Variants in SEMA4A observed in about 807,000 individuals in gnomAD.
SEMA4A encodes semaphorin-4A.
Under a neutral mutation model 72.5 loss-of-function variants are expected in SEMA4A, and 52 were observed. The ratio of observed to expected loss-of-function variants is 0.72; its 90% CI spans 0.57 to 0.90. The LOEUF is 0.90. Ranked by LOEUF, SEMA4A falls within the 40% of genes least tolerant of loss-of-function variation. The probability of loss-of-function intolerance (pLI) is 0.00; values close to 1 mark genes in which losing one functional copy is unlikely to be tolerated. For missense variants in SEMA4A, 926 were observed against 959.7 expected (o/e 0.96, Z 0.46); for synonymous variants, 369 against 393.1 (o/e 0.94, Z 0.73).
At chr1:156,171,961 T>C (rs988125498) in intron 10 of SEMA4A, among the ~76,000 whole-genome samples, 1 of 147,750 alleles carries the variant, frequency 6.8e-6, no homozygotes, top group African/African-American at 2.4e-5. Flanking sequence ...TTTTGTTTTA[T>C]TTTTTGTAGA....
chr1:156,169,400 T>G (rs981589310), intron 10 of SEMA4A, among the ~76,000 whole-genome samples: 6 of 149,318 alleles, frequency 4.0e-5, no homozygotes, highest in Middle Eastern at 6.9e-3. Flanking sequence ...TTTATGTCTT[T>G]TCTTTTCTTT....
chr1:156,175,513 C>T (rs982977812), intron 13 of SEMA4A, 43 bp from the exon 14 acceptor site: 4 of 1,496,640 alleles, frequency 2.7e-6, no homozygotes, highest in Middle Eastern at 1.7e-4. Flanking sequence ...TTCCCACTTT[C>T]AGCTCTTTTG....
chr1:156,158,365 C>G, intron 4 of SEMA4A, 23 bp from the exon 5 acceptor site: 1 of 1,593,406 alleles, frequency 6.3e-7, no homozygotes, highest in African/African-American at 1.3e-5. Flanking sequence ...GGCCTGGAGA[C>G]CTAAATTCTC....
In SEMA4A at chr1:156,161,471, C is replaced by G; in HGVS notation, c.936C>G (p.Ala312=). ...TCCGCCACGCGGTCCTGCTCCCCGC[C>G]GATTCTCCCACAGCTCCCCACATCT... ...NVIRHAVLLP[A]DSPTAPHIYA... is the part of the protein sequence containing the mutation. Residue 312 remains alanine, a synonymous_variant, in exon 9 of 15, where the codon GCC becomes GCG. Coordinates refer to ENST00000368285, the MANE Select transcript of SEMA4A (RefSeq NM_022367.4). 6.2e-7 allele frequency: 1 copy of G among 1,614,006 alleles called. No individual in the cohort carries two copies. The highest frequency in any genetic ancestry group is 8.5e-7 in the Non-Finnish European group (1 of 1,179,972).
At chr1:156,175,769 T>C in intron 14 of SEMA4A, 113 bp downstream of exon 14, 1 of 785,482 alleles carries the variant, frequency 1.3e-6, no homozygotes, top group Admixed American at 2.0e-5. Context: ...GCTTGAGATC[T>C]GAACACCCGA....
Position 156,174,749 on chromosome 1 carries a change from G to A in SEMA4A, c.1316-73G>A, listed in dbSNP as rs1482084678. On this transcript the variant is annotated intron_variant, in intron 11 of 14. Transcript: ENST00000368285. ...TCAGAAGGAGCTTTCTTACAGCTGG[G>A]GAGGCCCCCGGAAGTTGGGAAGGGA... is the stretch of plus-strand genomic sequence containing the variant. The A allele has an allele frequency of 2.5e-6, 4 of 1,601,304 alleles. No individual in the cohort carries two copies. The East Asian group carries it at 8.9e-5, about 36-fold the overall frequency.
upstream of SEMA4A, among the ~76,000 whole-genome samples, chr1:156,152,400 C>T (rs539195270): frequency 3.3e-5 from 5 of 152,238 alleles, no homozygotes; most frequent in East Asian, 7.7e-4. Flanking sequence ...TTCCCAGTGA[C>T]CCAAATGAGC....
chr1:156,162,880 C>T (rs1419758397), intron 9 of SEMA4A, 64 bp from the exon 10 acceptor site: 12 of 1,604,678 alleles, frequency 7.5e-6, no homozygotes, highest in African/African-American at 4.0e-5. Context: ...TGAGGGCCAG[C>T]GCTGGAGAGA....
In SEMA4A at chr1:156,161,433, C is replaced by A. The variant is rs1653646240; in HGVS notation, c.898C>A (p.Pro300Thr). The A allele has an allele frequency of 2.5e-6, 4 of 1,613,156 alleles. No homozygotes were observed. The highest frequency in any genetic ancestry group is 3.4e-6 in the Non-Finnish European group (4 of 1,179,506). The change falls in exon 9 of 15, where the codon CCC (proline) becomes ACC (threonine). Residue 300 changes from proline to threonine, a missense_variant. Pro to Thr is a conservative substitution (Grantham distance 38). Coordinates refer to ENST00000368285, the MANE Select transcript of SEMA4A (RefSeq NM_022367.4). ...QLLCTQPGQLPFNVIRHAVLL... is the reference protein window; with the variant it reads ...QLLCTQPGQLTFNVIRHAVLL... ...GCTCTGCACCCAGCCGGGGCAGCTG[C>A]CCTTCAACGTCATCCGCCACGCGGT...
chr1:156,173,907 C>T (rs1432186308), intron 11 of SEMA4A, among the ~76,000 whole-genome samples: 8 of 151,950 alleles, frequency 5.3e-5, no homozygotes, highest in Non-Finnish European at 7.4e-5. Context: ...GTCAGGAGTT[C>T]GAGACCAGCC....
intron 5 of SEMA4A, 59 bp downstream of exon 5, chr1:156,158,545 C>T (rs1165141854): frequency 7.0e-6 from 10 of 1,430,954 alleles, no homozygotes; most frequent in African/African-American, 1.4e-5. Flanking sequence ...CATCTACCCA[C>T]GACTTTCCTC....
At chr1:156,158,653 C>A in intron 5 of SEMA4A, 66 bp from the exon 6 acceptor site, 2 of 1,416,940 alleles carry the variant, frequency 1.4e-6, no homozygotes, top group Non-Finnish European at 2.0e-6. Flanking sequence ...CTTCCTTCCT[C>A]AAGCCCCTCA....
Position 156,161,029 on chromosome 1 carries a change from G to T in SEMA4A, c.810G>T (p.Lys270Asn). The change falls in exon 8 of 15, where the codon AAG becomes AAT. Residue 270 changes from lysine (K) to asparagine (N), a missense_variant and splice_region_variant. By Grantham distance (94) the Lys-to-Asn change is moderately conservative (BLOSUM62 0). Coordinates refer to ENST00000368285, the MANE Select transcript of SEMA4A (RefSeq NM_022367.4). ...LHTSRVARVC[K>N]NDVGGEKLLQ... ...CATCGCGGGTGGCTAGAGTCTGCAA[G>T]GTCCGCGGCCTGGGCGGGGGGCGGG... The T allele has an allele frequency of 6.3e-7, 1 of 1,592,638 alleles. No homozygotes were observed.
At chr1:156,176,322 G>A in intron 14 of SEMA4A, 83 bp from the exon 15 acceptor site, 1 of 1,082,158 alleles carries the variant, frequency 9.2e-7, no homozygotes, top group Non-Finnish European at 1.4e-6. Flanking sequence ...GAGGGCTGGG[G>A]TCCAAAGATA....
chr1:156,172,819 C>G lies in SEMA4A; in HGVS notation c.1135-7C>G, dbSNP rs774351672. 6.2e-7 allele frequency: 1 copy of G among 1,614,132 alleles called. No homozygotes were observed. Among genetic ancestry groups the G allele is most frequent in the South Asian group, 1.1e-5 (1 of 91,074 alleles). On this transcript the variant is annotated splice_polypyrimidine_tract_variant and splice_region_variant and intron_variant, in intron 10 of 14. Coordinates refer to ENST00000368285, the MANE Select transcript of SEMA4A (RefSeq NM_022367.4). ...AACCAACCTGATCTGCCTCCCTCCT[C>G]CTTTAGTGCTCAGTGGGCCCCTCCT...
Position 156,177,485 on chromosome 1 carries a change from C to G in SEMA4A, c.*488C>G, listed in dbSNP as rs909857123. ...TCCCAGGGTCATGCAGGGATCTGCTCCCTCCTGCTTCCCTTACCAGTCGTG... is the reference window on the plus strand; with the variant it reads ...TCCCAGGGTCATGCAGGGATCTGCTGCCTCCTGCTTCCCTTACCAGTCGTG... On this transcript the variant is annotated 3_prime_UTR_variant, in exon 15 of 15. Transcript: ENST00000368285. The G allele has an allele frequency of 4.3e-6, 1 of 234,632 alleles. No homozygotes were observed. Among genetic ancestry groups the G allele is most frequent in the African/African-American group, 2.3e-5 (1 of 44,428 alleles). 14.5% of individuals were successfully genotyped at this position (234,632 alleles called of 1,614,324 possible).
chr1:156,173,232 G>C (rs983475223), intron 11 of SEMA4A, among the ~76,000 whole-genome samples: 1 of 152,212 alleles, frequency 6.6e-6, no homozygotes, highest in African/African-American at 2.4e-5. Flanking sequence ...CAGACAGGGA[G>C]GTCTTTGGTG....
At chr1:156,151,300 G>A (rs1466980846), upstream of SEMA4A, among the ~76,000 whole-genome samples, 2 of 152,212 alleles carry the variant, frequency 1.3e-5, no homozygotes, top group South Asian at 2.1e-4. Flanking sequence ...TCGTGCCCAC[G>A]AAGCCAGCAC....
At chr1:156,169,312 T>C (rs1654472891) in intron 10 of SEMA4A, among the ~76,000 whole-genome samples, 1 of 152,106 alleles carries the variant, frequency 6.6e-6, no homozygotes, top group East Asian at 1.9e-4. Context: ...TTTCTATTTG[T>C]TCATTCGCTT....
Sources: gnomAD v4.1 joint callset for allele counts (sites outside exome capture counted in the v4.1 genomes callset) on GRCh38, gnomAD v4.1.1 for gene constraint, MANE v1.5 for transcripts, NCBI Gene and HGNC (gene_info 2026-07-23, HGNC 2026-07-21) for gene names.